The following METTL25 variants were observed in gnomAD, a reference collection of about 807,000 sequenced individuals.
METTL25 encodes the protein probable methyltransferase-like protein 25.
METTL25 carries 64 observed loss-of-function variants against 71.6 expected under a neutral mutation model. The ratio of observed to expected loss-of-function variants is 0.89; its 90% confidence interval spans 0.73 to 1.10. The LOEUF (loss-of-function observed/expected upper bound fraction) is 1.10. METTL25 is among the 50% of genes least tolerant of loss of function. The pLI, the probability that METTL25 is intolerant of heterozygous loss-of-function variation, is 0.00. For synonymous variants in METTL25, 287 were observed against 250.3 expected (o/e 1.15, Z -1.38); for missense variants, 807 against 707.0 (o/e 1.14, Z -1.60).
At chr12:82,450,513 TG>T (rs1891064453) in intron 8 of METTL25, among the ~76,000 whole-genome samples, 1 of 152,200 alleles carries the variant, frequency 6.6e-6, no homozygotes, top group Non-Finnish European at 1.5e-5. Context: ...CTTCTACTTT[TG>T]CTCACTATAG....
chr12:82,365,878 C>T (rs539069064), intron 1 of METTL25, among the ~76,000 whole-genome samples: 4 of 152,196 alleles, frequency 2.6e-5, no homozygotes, highest in East Asian at 1.9e-4. Context: ...GTCAGGAGAT[C>T]GACACCCTCC....
intron 1 of METTL25, among the ~76,000 whole-genome samples, chr12:82,368,427 C>T (rs1407841621): frequency 6.6e-6 from 1 of 152,098 alleles, no homozygotes; most frequent in Non-Finnish European, 1.5e-5. Context: ...TTAGATCTGG[C>T]CATTTTGTTG....
At chr12:82,438,669 TTC>T in intron 7 of METTL25, 47 bp from the exon 8 acceptor site, 1 of 1,206,668 alleles carries the variant, frequency 8.3e-7, no homozygotes, top group Non-Finnish European at 1.1e-6. Context: ...TTTATTTTAT[TTC>T]TGTTTTTTTT....
At chr12:82,447,811 TTCAGTA>T (rs1473988452) in intron 8 of METTL25, among the ~76,000 whole-genome samples, 2 of 152,136 alleles carry the variant, frequency 1.3e-5, no homozygotes, top group Non-Finnish European at 2.9e-5. Flanking sequence ...ATTGCTTTTG[TTCAGTA>T]TCACTAAAAT....
intron 5 of METTL25, among the ~76,000 whole-genome samples, chr12:82,411,987 G>C (rs146017463): frequency 6.6e-6 from 1 of 151,898 alleles, no homozygotes; most frequent in African/African-American, 2.4e-5. Context: ...CCAAACGTGC[G>C]ATCTTTAACC....
intron 3 of METTL25, among the ~76,000 whole-genome samples, chr12:82,391,664 A>G (rs925146622): frequency 2.0e-5 from 3 of 150,432 alleles, no homozygotes; most frequent in Non-Finnish European, 4.4e-5. Flanking sequence ...TATTTTGGCT[A>G]TTATGAATAG....
intron 6 of METTL25, among the ~76,000 whole-genome samples, chr12:82,433,008 A>C (rs78783778): frequency 0.029 from 4,408 of 151,686 alleles, 80 homozygotes; most frequent in Middle Eastern, 0.041. Context: ...AAAACTTCTA[A>C]ATTATTCCAG....
In METTL25 at chr12:82,441,992, C is replaced by T. The variant is rs961322757; in HGVS notation, c.1478+3201C>T. ...GGAAACTAGGACTTGTATCCAACTG[C>T]GATAAAAATTAACGCAATACCACTA... On this transcript the variant is annotated intron_variant, in intron 8 of 11. Coordinates refer to ENST00000248306, the MANE Select transcript of METTL25 (RefSeq NM_032230.3). 4.0e-5 allele frequency among the ~76,000 whole-genome samples: 6 copies of T among 151,896 alleles called. 1 individual carries two copies. Among genetic ancestry groups the T allele is most frequent in the Admixed American group, 2.6e-4 (4 of 15,198 alleles).
intron 8 of METTL25, among the ~76,000 whole-genome samples, chr12:82,444,946 T>C (rs1890633288): frequency 6.6e-6 from 1 of 151,888 alleles, no homozygotes; most frequent in Admixed American, 6.6e-5. Flanking sequence ...CAACACAGAG[T>C]TGAATATACC....
intron 5 of METTL25, among the ~76,000 whole-genome samples, chr12:82,423,449 A>G (rs150354643): frequency 0.018 from 2,702 of 152,276 alleles, 69 homozygotes; most frequent in African/African-American, 0.061. Context: ...CTAGAGGAAA[A>G]CCTAGGCAAT....
At chr12:82,465,738 T>C (rs973847252) in intron 9 of METTL25, among the ~76,000 whole-genome samples, 2 of 152,066 alleles carry the variant, frequency 1.3e-5, no homozygotes, top group African/African-American at 2.4e-5. Context: ...CCTGGAACTT[T>C]CTTTGTTGGA....
At chr12:82,429,421 C>T (rs1889313698) in intron 5 of METTL25, among the ~76,000 whole-genome samples, 1 of 150,886 alleles carries the variant, frequency 6.6e-6, no homozygotes, top group Non-Finnish European at 1.5e-5. Flanking sequence ...GTGTATATAC[C>T]ACATTTTCCT....
chr12:82,424,423 T>A (rs1332495622), intron 5 of METTL25, among the ~76,000 whole-genome samples: 1 of 152,020 alleles, frequency 6.6e-6, no homozygotes, highest in African/African-American at 2.4e-5. Context: ...CATTAGGAGA[T>A]ATACCTAATG....
intron 9 of METTL25, among the ~76,000 whole-genome samples, chr12:82,476,031 T>C (rs1269512142): frequency 6.6e-6 from 1 of 152,080 alleles, no homozygotes; most frequent in African/African-American, 2.4e-5. Flanking sequence ...ATAGCAAGTT[T>C]AGAAATAAAT....
At chr12:82,444,878 A>G (rs564647940) in intron 8 of METTL25, among the ~76,000 whole-genome samples, 96 of 152,292 alleles carry the variant, frequency 6.3e-4, no homozygotes, top group South Asian at 3.3e-3. Context: ...ACAGAGATGG[A>G]AGAAAGATAC....
chr12:82,406,429 T>C (rs944652851), intron 5 of METTL25, among the ~76,000 whole-genome samples: 3 of 152,178 alleles, frequency 2.0e-5, no homozygotes, highest in Non-Finnish European at 4.4e-5. Flanking sequence ...CAAACAAATG[T>C]ATAAACTGTT....
intron 7 of METTL25, among the ~76,000 whole-genome samples, chr12:82,437,566 T>G (rs1890011176): frequency 6.6e-6 from 1 of 151,638 alleles, no homozygotes; most frequent in South Asian, 2.1e-4. Flanking sequence ...GGCAGTAGAG[T>G]AGGTTTTCTG....
intron 4 of METTL25, among the ~76,000 whole-genome samples, chr12:82,401,486 C>T (rs1457934897): frequency 6.6e-6 from 1 of 152,006 alleles, no homozygotes; most frequent in African/African-American, 2.4e-5. Flanking sequence ...TTATCTCCAT[C>T]TTACAGTTGA....
intron 11 of METTL25, 100 bp from the exon 12 acceptor site, chr12:82,478,829 TTTG>T (rs1169197150): frequency 1.5e-5 from 13 of 878,610 alleles, no homozygotes; most frequent in Non-Finnish European, 1.2e-5. Context: ...GTGAAACAGC[TTTG>T]TTTTTATGTA....
Sources: allele counts gnomAD v4.1 joint callset (sites outside exome capture counted in the v4.1 genomes callset), GRCh38; gene constraint gnomAD v4.1.1; transcripts MANE v1.5; gene names NCBI Gene and HGNC (gene_info 2026-07-23, HGNC 2026-07-21).